The following NID1 variants were observed in gnomAD, a reference collection of about 807,000 sequenced individuals.
NID1 encodes the protein nidogen-1.
NID1 carries 76 observed loss-of-function variants against 130.6 expected under a neutral mutation model. The observed-to-expected ratio is 0.58, with a 90% CI of 0.48 to 0.70. The LOEUF is 0.70. NID1 is among the 30% of genes least tolerant of loss of function. NID1 has a pLI of 0.00. For synonymous variants in NID1, 665 were observed against 675.1 expected, an observed-to-expected ratio of 0.98 and a Z score of 0.23; for missense variants, 1,517 against 1,664.8, an observed-to-expected ratio of 0.91 and a Z score of 1.54.
chr1:236,001,717 T>G (rs1658081639), intron 12 of NID1, among the ~76,000 whole-genome samples: 1 of 152,202 alleles, frequency 6.6e-6, no homozygotes, highest in African/African-American at 2.4e-5. Context: ...GGAGGGGCAC[T>G]GAACTCGCAG....
intron 9 of NID1, among the ~76,000 whole-genome samples, chr1:236,023,861 C>T (rs1658841493): frequency 6.6e-6 from 1 of 152,146 alleles, no homozygotes; most frequent in South Asian, 2.1e-4. Context: ...TACTCTGCTG[C>T]TTAATCAGAC....
At chr1:235,993,133 C>G (rs747353044) in intron 13 of NID1, among the ~76,000 whole-genome samples, 1 of 152,156 alleles carries the variant, frequency 6.6e-6, no homozygotes, top group African/African-American at 2.4e-5. Context: ...AAAATCAACC[C>G]AAGTAACTAA....
In NID1 at chr1:236,048,940, G is replaced by T; in HGVS notation, c.275C>A (p.Ser92Tyr). The T allele has an allele frequency of 6.2e-7, 1 of 1,614,118 alleles. No individual in the cohort carries two copies. The highest frequency in any genetic ancestry group is 2.2e-5 in the East Asian group (1 of 44,874). Residue 92 changes from serine to tyrosine, a missense_variant, in exon 2 of 20, where the codon TCC becomes TAC. Physicochemically the swap from Ser to Tyr is moderately radical, Grantham distance 144. This residue lies in a region of NID1 where 1,329 missense variants were observed against 1,429.2 expected (regional missense o/e 0.93). Coordinates refer to ENST00000264187, the MANE Select transcript of NID1 (RefSeq NM_002508.3). ...TGTTGGTGGGAAGAGCCCGGGATGG[G>T]ATTCTTTGGCCGGGGGTTCACTCGT... ...IATSEPPAKE[S>Y]HPGLFPPTFG...
intron 1 of NID1, among the ~76,000 whole-genome samples, chr1:236,052,603 GA>G (rs562422676): frequency 5.5e-4 from 83 of 150,846 alleles, no homozygotes; most frequent in Non-Finnish European, 7.8e-4. Context: ...ACGTTGATGA[GA>G]AAAAAAAAAT....
At chr1:236,015,414 A>T (rs956189472) in intron 10 of NID1, among the ~76,000 whole-genome samples, 11 of 152,240 alleles carry the variant, frequency 7.2e-5, no homozygotes, top group Admixed American at 6.5e-4. Flanking sequence ...TGGGAGGCCA[A>T]GGCAGGCAAA....
intron 14 of NID1, among the ~76,000 whole-genome samples, chr1:235,986,850 C>T (rs1657589180): frequency 6.6e-6 from 1 of 152,206 alleles, no homozygotes; most frequent in African/African-American, 2.4e-5. Flanking sequence ...TTCACGGCAT[C>T]CCATGCCTAT....
rs2102820013 is a variant in NID1 at position 236,017,239 on chromosome 1, A to G, written c.2163T>C (p.Cys721=). 1 of 1,614,184 alleles carries G rather than the reference A, an allele frequency of 6.2e-7. No individual in the cohort carries two copies. Among genetic ancestry groups the G allele is most frequent in the Non-Finnish European group, 8.5e-7 (1 of 1,180,034 alleles). Residue 721 remains cysteine, a synonymous_variant, in exon 10 of 20, where the codon TGT becomes TGC. Transcript: ENST00000264187. The part of the protein sequence containing the change: ...IDECSEQPSV[C]GSHTICNNHP... Reference sequence around the variant, plus strand: ...GATTATTGCAGATTGTGTGGCTCCCACACACTGAGGGTTGTTCTGAACATT... The same window carrying G: ...GATTATTGCAGATTGTGTGGCTCCCGCACACTGAGGGTTGTTCTGAACATT...
rs149156719 is a variant in NID1, at chr1:236,029,638, C to T, written c.1650G>A (p.Thr550=). 7.4e-6 allele frequency: 12 copies of T among 1,612,382 alleles called. No individual in the cohort carries two copies. The highest frequency in any genetic ancestry group is 4.0e-5 in the African/African-American group (3 of 75,052). Residue 550 remains threonine (T), a synonymous_variant, in exon 7 of 20, where the codon ACG becomes ACA. Transcript: ENST00000264187. The part of the protein sequence containing the change: ...IDEHGHLTID[T]ELEGRVPQIP... ...TCTGCGGCACGCGGCCCTCCAGCTC[C>T]GTGTCGATGGTCAGGTGCCCATGCT...
chr1:236,036,397 T>C (rs995363815), intron 5 of NID1, among the ~76,000 whole-genome samples: 5 of 152,234 alleles, frequency 3.3e-5, no homozygotes, highest in Non-Finnish European at 7.3e-5. Flanking sequence ...TTTTAGCAAC[T>C]TGAAATGATA....
Position 235,980,514 on chromosome 1 carries a change from G to C in NID1, c.3367C>G (p.Leu1123Val), listed in dbSNP as rs1275672362. The change falls in exon 17 of 20, where the codon CTC becomes GTC. Residue 1123 changes from leucine to valine, a missense_variant. Transcript: ENST00000264187. ...GLTFDAFSSQ[L>V]CWVDAGTNRA... is the part of the protein sequence containing the mutation. Reference sequence around the variant, plus strand: ...CCATCACCTGCATCCACCCAGCAGAGCTGAGATGAGAACGCATCGAAGGTC... The same window carrying C: ...CCATCACCTGCATCCACCCAGCAGACCTGAGATGAGAACGCATCGAAGGTC... The C allele has an allele frequency of 6.2e-7, 1 of 1,614,176 alleles. No individual in the cohort carries two copies.
intron 1 of NID1, among the ~76,000 whole-genome samples, chr1:236,051,935 A>G (rs1379838112): frequency 6.6e-6 from 1 of 152,270 alleles, no homozygotes; most frequent in African/African-American, 2.4e-5. Flanking sequence ...GTCAGGTTTT[A>G]GGACAAATGT....
At chr1:236,001,209 G>A (rs972196081) in intron 12 of NID1, among the ~76,000 whole-genome samples, 26 of 151,654 alleles carry the variant, frequency 1.7e-4, no homozygotes, top group African/African-American at 6.1e-4. Flanking sequence ...GGGTTCAAGC[G>A]ATTCTCCTGC....
chr1:236,020,488 A>C (rs1156834865), intron 9 of NID1, among the ~76,000 whole-genome samples: 10 of 152,204 alleles, frequency 6.6e-5, no homozygotes, highest in Non-Finnish European at 1.2e-4. Context: ...TAAATTGAGA[A>C]ACAGCGGGAG....
intron 1 of NID1, among the ~76,000 whole-genome samples, chr1:236,051,872 A>G (rs964682946): frequency 1.3e-5 from 2 of 152,236 alleles, no homozygotes; most frequent in Non-Finnish European, 2.9e-5. Flanking sequence ...GTCTTTTATT[A>G]TTTGGAATCT....
chr1:236,039,163 A>C (rs1324805438), intron 4 of NID1, among the ~76,000 whole-genome samples: 1 of 145,454 alleles, frequency 6.9e-6, no homozygotes, highest in Non-Finnish European at 1.5e-5. Flanking sequence ...ACATTATAAC[A>C]GATAAAATAT....
Position 236,042,183 on chromosome 1 carries a change from C to G in NID1, c.862G>C (p.Glu288Gln), listed in dbSNP as rs772204862. ...DVILGTEDGAEYDDEDEDYDL... is the reference protein window; with the variant it reads ...DVILGTEDGAQYDDEDEDYDL... ...TAATCTTCATCCTCATCATCATACTCTGCCCCATCTTCAGTTCCGAGGATC... is the reference window on the plus strand; with the variant it reads ...TAATCTTCATCCTCATCATCATACTGTGCCCCATCTTCAGTTCCGAGGATC... Residue 288 changes from glutamate (E) to glutamine (Q), a missense_variant, in exon 4 of 20, where the codon GAG becomes CAG. By Grantham distance (29) the Glu-to-Gln change is conservative. This residue lies in a region of NID1 where 1,329 missense variants were observed against 1,429.2 expected (regional missense o/e 0.93). Transcript: ENST00000264187. 3.1e-6 allele frequency: 5 copies of G among 1,613,906 alleles called. No individual in the cohort carries two copies. In the Admixed American group the frequency reaches 8.3e-5, roughly 27 times the overall value.
chr1:235,998,159 G>GTACCTTTGT (rs1264937955), intron 12 of NID1, among the ~76,000 whole-genome samples: 1 of 152,164 alleles, frequency 6.6e-6, no homozygotes, highest in South Asian at 2.1e-4. Flanking sequence ...AATATTTGAA[G>GTACCTTTGT]TACCTTTGTC....
chr1:236,026,089 A>G lies in NID1; in HGVS notation c.1791T>C (p.Asp597=), dbSNP rs1253641400. The change falls in exon 8 of 20, where the codon GAT becomes GAC. Residue 597 remains aspartate (D), a synonymous_variant. Coordinates refer to ENST00000264187, the MANE Select transcript of NID1 (RefSeq NM_002508.3). The part of the protein sequence containing the change: ...REYTVTEPER[D]GASPSRIYTY... ...TGTAGATGCGTGAAGGAGATGCCCCATCTCGCTCGGGCTCAGTCACCGTGT... is the reference window on the plus strand; with the variant it reads ...TGTAGATGCGTGAAGGAGATGCCCCGTCTCGCTCGGGCTCAGTCACCGTGT... 1.2e-6 allele frequency: 2 copies of G among 1,613,832 alleles called. No homozygotes were observed. Among genetic ancestry groups the G allele is most frequent in the Admixed American group, 1.7e-5 (1 of 59,982 alleles).
intron 2 of NID1, 140 bp from the exon 3 acceptor site, chr1:236,045,823 T>C: frequency 1.5e-6 from 1 of 666,280 alleles, no homozygotes; most frequent in Non-Finnish European, 2.5e-6. Flanking sequence ...AGAAGGACTT[T>C]TGTAGCAAGA....
Sources: gnomAD v4.1 joint callset for allele counts (sites outside exome capture counted in the v4.1 genomes callset) on GRCh38, gnomAD v4.1.1 for gene constraint, gnomAD v4.1.1 regional missense constraint, MANE v1.5 for transcripts, NCBI Gene and HGNC (gene_info 2026-07-23, HGNC 2026-07-21) for gene names.